BRF1: variants seen among roughly 807,000 people sequenced by gnomAD.
BRF1 encodes BRF1 general transcription factor IIIB subunit.
In BRF1, 59 loss-of-function variants were observed where a neutral mutation model predicts 81.7. That is an observed-to-expected ratio of 0.72 (90% CI 0.59 to 0.90). BRF1 has a LOEUF of 0.90. Among genes scored for constraint, BRF1 ranks in the 40% least tolerant of loss-of-function variants. The pLI, the probability that BRF1 is intolerant of heterozygous loss-of-function variation, is 0.00. For synonymous variants in BRF1, 491 were observed against 395.6 expected, an observed-to-expected ratio of 1.24 and a Z score of -2.86; for missense variants, 1,050 against 936.3, an observed-to-expected ratio of 1.12 and a Z score of -1.58.
At chr14:105,265,080 T>TTTG (rs1566849059) in intron 3 of BRF1, among the ~76,000 whole-genome samples, 14 of 150,020 alleles carry the variant, frequency 9.3e-5, no homozygotes, top group East Asian at 1.9e-4. Flanking sequence ...TTTGTTTTTT[T>TTTG]AGAGACAGGG....
At chr14:105,273,771 C>G (rs1346049894) in intron 2 of BRF1, among the ~76,000 whole-genome samples, 1 of 152,176 alleles carries the variant, frequency 6.6e-6, no homozygotes, top group African/African-American at 2.4e-5. Flanking sequence ...CAATACACTG[C>G]GGAAAGCTGC....
At chr14:105,273,037 C>T in intron 2 of BRF1, 143 bp from the exon 3 acceptor site, 7 of 943,574 alleles carry the variant, frequency 7.4e-6, no homozygotes, top group Non-Finnish European at 1.1e-5. Context: ...ATGTGGGTTC[C>T]AATCACTTTT....
At chr14:105,249,438 A>G in intron 5 of BRF1, 1 of 1,611,228 alleles carries the variant, frequency 6.2e-7, no homozygotes, top group Admixed American at 1.7e-5. Context: ...TGAAATTCAC[A>G]TTCCAGACGT....
At chr14:105,245,931 C>T (rs949064912) in intron 5 of BRF1, among the ~76,000 whole-genome samples, 1 of 152,136 alleles carries the variant, frequency 6.6e-6, no homozygotes, top group African/African-American at 2.4e-5. Flanking sequence ...GGGATGACCT[C>T]AAACTAAAAA....
At chr14:105,304,370 T>C (rs893664503), upstream of BRF1, among the ~76,000 whole-genome samples, 1 of 151,998 alleles carries the variant, frequency 6.6e-6, no homozygotes, top group African/African-American at 2.4e-5. Context: ...CGCCTGTAGT[T>C]CCAGCTACTC....
At chr14:105,217,944 A>T in intron 14 of BRF1, 144 bp from the exon 15 acceptor site, 2 of 1,329,048 alleles carry the variant, frequency 1.5e-6, no homozygotes, top group Non-Finnish European at 1.0e-6. Flanking sequence ...CTCCCCCCAG[A>T]ATGTGGGCCA....
intron 5 of BRF1, chr14:105,247,543 G>C (rs912658697): frequency 9.1e-6 from 9 of 985,346 alleles, no homozygotes; most frequent in Middle Eastern, 5.2e-4. Context: ...AATATCTTCT[G>C]AAGAGGACTC....
Position 105,210,559 on chromosome 14 carries a change from CGTCG to C in BRF1, c.2022_2025del (p.Asp674GlufsTer11). 1 of 1,611,406 alleles carries C rather than the reference CGTCG, an allele frequency of 6.2e-7. No individual in the cohort carries two copies. The highest frequency in any genetic ancestry group is 8.5e-7 in the Non-Finnish European group (1 of 1,179,874). On this transcript the variant is annotated frameshift_variant, in exon 18 of 18. Coordinates refer to ENST00000547530, the MANE Select transcript of BRF1 (RefSeq NM_001519.4). LOFTEE classifies it high-confidence loss of function. The surrounding 1 kb of genome is among the most constrained non-coding windows in gnomAD (Gnocchi z 4.7). ...TGCCTGGAGGCCACACTTCAGTAGC[CGTCG>C]TCCTCATCGCCATCACAGCCATAGT...
intron 5 of BRF1, chr14:105,249,583 C>G (rs781690820): frequency 3.1e-5 from 49 of 1,585,448 alleles, no homozygotes; most frequent in Non-Finnish European, 4.1e-5. Flanking sequence ...CTCCCAGGCC[C>G]AGCCCCGCGA....
intron 6 of BRF1, 50 bp downstream of exon 6, chr14:105,241,215 G>T (rs1240808766): frequency 6.3e-7 from 1 of 1,596,264 alleles, no homozygotes; most frequent in African/African-American, 1.3e-5. Context: ...AGGAAAGTGT[G>T]AGGCCAGGAC....
At position 105,271,540 on chromosome 14, in the gene BRF1, G is replaced by C. The variant is rs1447767377; in HGVS notation, c.439+1181C>G. On this transcript the variant is annotated intron_variant, in intron 3 of 17. Coordinates refer to ENST00000547530, the MANE Select transcript of BRF1 (RefSeq NM_001519.4). This position sits in a 1 kb window ranked among gnomAD's most constrained non-coding sequence, Gnocchi z 5.5. Reference sequence around the variant, plus strand: ...GCTCGGAAAAGGTCCCTCTCCCAGGGAGCCATTGCAGGAGGCACCTCACAA... The same window carrying C: ...GCTCGGAAAAGGTCCCTCTCCCAGGCAGCCATTGCAGGAGGCACCTCACAA... Among the ~76,000 whole-genome samples the C allele has an allele frequency of 1.3e-5, 2 of 152,194 alleles. No homozygotes were observed. The highest frequency in any genetic ancestry group is 1.3e-4 in the Admixed American group (2 of 15,262).
At chr14:105,275,187 C>T (rs1042396060) in intron 2 of BRF1, among the ~76,000 whole-genome samples, 7 of 152,244 alleles carry the variant, frequency 4.6e-5, no homozygotes, top group African/African-American at 1.7e-4. Context: ...CCCAAGGAAG[C>T]CGGTGGCCAG....
At chr14:105,249,116 G>A (rs1249006063) in intron 5 of BRF1, 1 of 1,506,350 alleles carries the variant, frequency 6.6e-7, no homozygotes, top group Non-Finnish European at 8.8e-7. Context: ...CCCCGCGCCC[G>A]CGCGCGCCCA....
intron 5 of BRF1, among the ~76,000 whole-genome samples, chr14:105,242,867 A>G (rs2140213950): frequency 6.6e-6 from 1 of 152,188 alleles, no homozygotes; most frequent in East Asian, 1.9e-4. Flanking sequence ...TGTAATCCCA[A>G]CACTTTGGGA....
At chr14:105,212,188 C>CT in intron 15 of BRF1, 24 bp from the exon 16 acceptor site, 3 of 1,606,812 alleles carry the variant, frequency 1.9e-6, no homozygotes, top group Non-Finnish European at 2.5e-6. Flanking sequence ...CACAGCATGG[C>CT]GGCCTCAGCC....
rs768617321 is a variant in BRF1 at position 105,249,427 on chromosome 14, C to T, written c.544+3080G>A. 1.6e-5 allele frequency: 26 copies of T among 1,613,498 alleles called. No homozygotes were observed. In the South Asian group the frequency reaches 2.2e-4, roughly 14 times the overall value. On this transcript the variant is annotated intron_variant, in intron 5 of 17. Coordinates refer to ENST00000547530, the MANE Select transcript of BRF1 (RefSeq NM_001519.4). ...TACGGAGACCTGGCGGAAGTCAAAT[C>T]TGAAATTCACATTCCAGACGTGGAG...
Position 105,278,811 on chromosome 14 carries a change from G to A in BRF1, c.266-5917C>T, listed in dbSNP as rs189756487. ...GGTAATCCCAACACTTTGGGAGGCC[G>A]AGGCGGGCAGATCACGAGGTCAAGA... is the stretch of plus-strand genomic sequence containing the variant. On this transcript the variant is annotated intron_variant, in intron 2 of 17. Coordinates refer to ENST00000547530, the MANE Select transcript of BRF1 (RefSeq NM_001519.4). Among the ~76,000 whole-genome samples the A allele has an allele frequency of 3.2e-3, 494 of 152,110 alleles. 9 individuals are homozygous for A. The highest frequency in any genetic ancestry group is 0.011 in the African/African-American group (469 of 41,496).
rs141820701 is a variant in BRF1 at position 105,256,351 on chromosome 14, A to G, written c.471+167T>C. Reference sequence around the variant, plus strand: ...AGTCTCGGACTGTGACCCCCATGTCATGAAGGCCCCTCATCCTACAGACCA... The same window carrying G: ...AGTCTCGGACTGTGACCCCCATGTCGTGAAGGCCCCTCATCCTACAGACCA... On this transcript the variant is annotated intron_variant, in intron 4 of 17. Coordinates refer to ENST00000547530, the MANE Select transcript of BRF1 (RefSeq NM_001519.4). 4,583 of 1,560,390 alleles carry G rather than the reference A, an allele frequency of 2.9e-3. 9 individuals are homozygous for G. Among genetic ancestry groups the G allele is most frequent in the Non-Finnish European group, 3.8e-3 (4,367 of 1,153,152 alleles).
At chr14:105,306,163 C>G (rs1433272809) in intron 1 of BRF1, among the ~76,000 whole-genome samples, 1 of 152,216 alleles carries the variant, frequency 6.6e-6, no homozygotes, top group Non-Finnish European at 1.5e-5. Context: ...GAAGGATTTC[C>G]TTTTCTCAGG....
Sources: allele counts gnomAD v4.1 joint callset (sites outside exome capture counted in the v4.1 genomes callset), GRCh38; gene constraint gnomAD v4.1.1; non-coding constraint Gnocchi (gnomAD v3.1); transcripts MANE v1.5; gene names NCBI Gene and HGNC (gene_info 2026-07-23, HGNC 2026-07-21).